The following ITGA11 variants were observed in gnomAD, a reference collection of about 807,000 sequenced individuals.
ITGA11 encodes integrin subunit alpha 11.
A neutral mutation model predicts 141.9 loss-of-function variants in ITGA11; 97 were observed. The ratio of observed to expected loss-of-function variants is 0.68; its 90% confidence interval spans 0.58 to 0.81. The LOEUF (loss-of-function observed/expected upper bound fraction) is 0.81. Ranked by LOEUF, ITGA11 falls within the 30% of genes least tolerant of loss-of-function variation. The probability of loss-of-function intolerance (pLI) is 0.00; values close to 1 mark genes in which losing one functional copy is unlikely to be tolerated. For missense variants in ITGA11, 1,387 were observed against 1,559.2 expected, an observed-to-expected ratio of 0.89 and a Z score of 1.86; for synonymous variants, 658 against 624.6, an observed-to-expected ratio of 1.05 and a Z score of -0.80.
At position 68,303,937 on chromosome 15, in the gene ITGA11, TG is replaced by T; in HGVS notation, c.3382-53del. On this transcript the variant is annotated intron_variant, in intron 28 of 29. Coordinates refer to ENST00000315757, the MANE Select transcript of ITGA11 (RefSeq NM_001004439.2). This position sits in a 1 kb window ranked among gnomAD's most constrained non-coding sequence, Gnocchi z 5.3. Reference sequence around the variant, plus strand: ...CAGCATTACTCTTCTGGGGCTGGGGTGGCAGTCTGGGAGGGGCAGGAGGGTG... The same window carrying T: ...CAGCATTACTCTTCTGGGGCTGGGGTGCAGTCTGGGAGGGGCAGGAGGGTG... The T allele has an allele frequency of 8.2e-7, 1 of 1,222,166 alleles. No homozygotes were observed. Among genetic ancestry groups the T allele is most frequent in the Non-Finnish European group, 1.2e-6 (1 of 834,914 alleles). 75.7% of individuals were successfully genotyped at this position (1,222,166 alleles called of 1,614,324 possible).
In ITGA11 at chr15:68,358,612, T is replaced by A. The variant is rs777613477; in HGVS notation, c.473-27A>T. The A allele has an allele frequency of 3.1e-6, 5 of 1,598,660 alleles. No individual in the cohort carries two copies. In the South Asian group the frequency reaches 5.7e-5, roughly 18 times the overall value. ...TGGAAAGTGGGGACACAGTTATGGC[T>A]ACCCAAGGAGCAGTGTCTGCGAGTC... is the stretch of plus-strand genomic sequence containing the variant. On this transcript the variant is annotated intron_variant, in intron 5 of 29. Coordinates refer to ENST00000315757, the MANE Select transcript of ITGA11 (RefSeq NM_001004439.2).
chr15:68,431,960 G>A (rs1387667815), intron 1 of ITGA11, 55 bp downstream of exon 1: 37 of 1,200,444 alleles, frequency 3.1e-5, no homozygotes, highest in Non-Finnish European at 3.8e-5. Flanking sequence ...TCCAAGCCCC[G>A]AGGGCCCAGG....
At chr15:68,392,517 T>C (rs2140392781) in intron 2 of ITGA11, among the ~76,000 whole-genome samples, 1 of 152,304 alleles carries the variant, frequency 6.6e-6, no homozygotes, top group South Asian at 2.1e-4. Flanking sequence ...AAGGGCAGCA[T>C]ACCAGAAAGG....
intron 8 of ITGA11, 126 bp downstream of exon 8, chr15:68,351,132 G>T: frequency 1.0e-6 from 1 of 988,462 alleles, no homozygotes; most frequent in Non-Finnish European, 1.5e-6. Flanking sequence ...AAGATGAAAT[G>T]GGAGGCTTTT....
chr15:68,325,278 G>T lies in ITGA11; in HGVS notation c.2212-37C>A. On this transcript the variant is annotated intron_variant, in intron 17 of 29. Coordinates refer to ENST00000315757, the MANE Select transcript of ITGA11 (RefSeq NM_001004439.2). The surrounding 1 kb of genome is among the most constrained non-coding windows in gnomAD (Gnocchi z 5.5). The stretch of plus-strand genomic sequence containing the variant: ...AGATGAGGGCAGCGGTGAGGGAGGA[G>T]AGAACGTCATTTTATGAGCCAGGAC... The T allele has an allele frequency of 7.2e-7, 1 of 1,391,432 alleles. No individual in the cohort carries two copies. The highest frequency in any genetic ancestry group is 2.3e-5 in the East Asian group (1 of 43,804). The allele number at this position is 1,391,432 out of a possible 1,614,324, so 86.2% of individuals were successfully genotyped here.
At chr15:68,406,823 C>T (rs1025253294) in intron 1 of ITGA11, among the ~76,000 whole-genome samples, 3 of 152,066 alleles carry the variant, frequency 2.0e-5, no homozygotes, top group African/African-American at 7.2e-5. Flanking sequence ...TAATGATGAG[C>T]GCTGATATAT....
chr15:68,352,190 GTT>G (rs796359057), intron 7 of ITGA11, among the ~76,000 whole-genome samples: 11 of 138,346 alleles, frequency 8.0e-5, no homozygotes, highest in Admixed American at 1.5e-4. Context: ...CTGGATATTA[GTT>G]TTTTTTTTTT....
chr15:68,423,290 T>C (rs1371693872), intron 1 of ITGA11, among the ~76,000 whole-genome samples: 2 of 151,782 alleles, frequency 1.3e-5, no homozygotes, highest in African/African-American at 4.8e-5. Flanking sequence ...ATCACACAAG[T>C]GGGGCCCCAC....
intron 2 of ITGA11, among the ~76,000 whole-genome samples, chr15:68,388,718 T>C (rs1395919236): frequency 6.6e-6 from 1 of 152,184 alleles, no homozygotes; most frequent in Non-Finnish European, 1.5e-5. Flanking sequence ...TTTGCTCACC[T>C]AGACTTCTAC....
Position 68,303,350 on chromosome 15 carries a change from T to A in ITGA11, c.3496-220A>T, listed in dbSNP as rs1191303483. Among the ~76,000 whole-genome samples, 1 of 152,206 alleles carries A rather than the reference T, an allele frequency of 6.6e-6. No homozygotes were observed. Among genetic ancestry groups the A allele is most frequent in the African/African-American group, 2.4e-5 (1 of 41,460 alleles). On this transcript the variant is annotated intron_variant, in intron 29 of 29. Coordinates refer to ENST00000315757, the MANE Select transcript of ITGA11 (RefSeq NM_001004439.2). The surrounding 1 kb of genome is among the most constrained non-coding windows in gnomAD (Gnocchi z 5.3). ...GCAAGAAGTCATACTAGTGCCCATCTTGCTGTGTGACCAGCCCCAGCCAAC... is the reference window on the plus strand; with the variant it reads ...GCAAGAAGTCATACTAGTGCCCATCATGCTGTGTGACCAGCCCCAGCCAAC...
In ITGA11 at chr15:68,394,721, T is replaced by C. The variant is rs577430683; in HGVS notation, c.164+8197A>G. Among the ~76,000 whole-genome samples, 3 of 151,774 alleles carry C rather than the reference T, an allele frequency of 2.0e-5. No individual in the cohort carries two copies. The East Asian group carries it at 5.8e-4, about 29-fold the overall frequency. Reference sequence around the variant, plus strand: ...TAAAAAATAAGAGGGACAACACAAATTACCAAAAAGAGAAATGAAAAAGAG... The same window carrying C: ...TAAAAAATAAGAGGGACAACACAAACTACCAAAAAGAGAAATGAAAAAGAG... On this transcript the variant is annotated intron_variant, in intron 2 of 29. Coordinates refer to ENST00000315757, the MANE Select transcript of ITGA11 (RefSeq NM_001004439.2).
intron 1 of ITGA11, among the ~76,000 whole-genome samples, chr15:68,418,600 A>C (rs1896945953): frequency 8.8e-6 from 1 of 113,750 alleles, no homozygotes; most frequent in South Asian, 3.1e-4. Flanking sequence ...TCACTTTACT[A>C]CACAACTGCA....
chr15:68,302,917 C>T lies in ITGA11; in HGVS notation c.*142G>A, dbSNP rs533465762. 5.7e-5 allele frequency: 36 copies of T among 636,636 alleles called. No individual in the cohort carries two copies. The highest frequency in any genetic ancestry group is 5.5e-4 in the African/African-American group (30 of 54,384). The allele number at this position is 636,636 out of a possible 1,614,324, so 39.4% of individuals were successfully genotyped here. A position where few individuals can be genotyped will look rare whatever the true frequency, so the allele number is the denominator to read the frequency against. On this transcript the variant is annotated 3_prime_UTR_variant, in exon 30 of 30. Coordinates refer to ENST00000315757, the MANE Select transcript of ITGA11 (RefSeq NM_001004439.2). ...TGAGTTCCATTCTGGAGGGAGCAGGCGCCATTGCTCGGGAGATGAGGTCAA... is the reference window on the plus strand; with the variant it reads ...TGAGTTCCATTCTGGAGGGAGCAGGTGCCATTGCTCGGGAGATGAGGTCAA...
intron 2 of ITGA11, among the ~76,000 whole-genome samples, chr15:68,391,712 T>C (rs1177016073): frequency 6.6e-6 from 1 of 152,232 alleles, no homozygotes; most frequent in African/African-American, 2.4e-5. Flanking sequence ...AAGATGCATG[T>C]AATTAATACC....
intron 1 of ITGA11, among the ~76,000 whole-genome samples, chr15:68,411,112 A>G (rs902257902): frequency 6.6e-6 from 1 of 152,194 alleles, no homozygotes; most frequent in Admixed American, 6.5e-5. Context: ...TGTGGAGTGA[A>G]TATTTAAGTA....
chr15:68,306,342 G>T (rs1364211019), intron 28 of ITGA11, among the ~76,000 whole-genome samples: 7 of 151,964 alleles, frequency 4.6e-5, no homozygotes, highest in African/African-American at 1.2e-4. Context: ...TGTGAGCAGG[G>T]TATGTGTGGG....
intron 1 of ITGA11, among the ~76,000 whole-genome samples, chr15:68,421,275 C>T (rs969386450): frequency 6.6e-5 from 10 of 152,110 alleles, no homozygotes; most frequent in African/African-American, 2.4e-4. Flanking sequence ...GAAGAAACAG[C>T]AAGTGCAAAG....
rs965421423 is a variant in ITGA11 at position 68,302,725 on chromosome 15, C to T, written c.*334G>A. On this transcript the variant is annotated 3_prime_UTR_variant, in exon 30 of 30. Coordinates refer to ENST00000315757, the MANE Select transcript of ITGA11 (RefSeq NM_001004439.2). ...TTTCTCTGGAGGATGGGGATGATTA[C>T]GAATTCCTAGCACCTTAGTAGCTGG... The T allele has an allele frequency of 5.4e-5, 15 of 275,596 alleles. No homozygotes were observed. The highest frequency in any genetic ancestry group is 2.4e-4 in the African/African-American group (11 of 44,950). 17.1% of individuals were successfully genotyped at this position (275,596 alleles called of 1,614,324 possible). A position where few individuals can be genotyped will look rare whatever the true frequency, so the allele number is the denominator to read the frequency against.
intron 3 of ITGA11, 106 bp downstream of exon 3, chr15:68,369,078 T>C (rs950055873): frequency 2.6e-6 from 2 of 781,390 alleles, no homozygotes; most frequent in Non-Finnish European, 4.5e-6. Context: ...TCTCATGGAG[T>C]AGCAGGAAGG....
Sources: gnomAD v4.1 joint callset for allele counts (sites outside exome capture counted in the v4.1 genomes callset) on GRCh38, gnomAD v4.1.1 for gene constraint, Gnocchi (gnomAD v3.1) non-coding constraint, MANE v1.5 for transcripts, NCBI Gene and HGNC (gene_info 2026-07-23, HGNC 2026-07-21) for gene names.